PCGF2: variants seen among roughly 807,000 people sequenced by gnomAD.
PCGF2 encodes polycomb group ring finger 2, also known as polycomb group RING finger protein 2.
A neutral mutation model predicts 36.1 loss-of-function variants in PCGF2; 8 were observed. The ratio of observed to expected loss-of-function variants is 0.22; its 90% CI spans 0.13 to 0.40. The LOEUF (loss-of-function observed/expected upper bound fraction) is 0.40. PCGF2 is among the 10% of genes least tolerant of loss of function. The probability of loss-of-function intolerance (pLI) is 1.00; values close to 1 mark genes in which losing one functional copy is unlikely to be tolerated. For synonymous variants in PCGF2, 198 were observed against 191.2 expected, an observed-to-expected ratio of 1.04 and a Z score of -0.29; for missense variants, 436 against 475.9, an observed-to-expected ratio of 0.92 and a Z score of 0.78.
chr17:38,749,021 G>C (rs1034241018), upstream of PCGF2, among the ~76,000 whole-genome samples: 1 of 152,088 alleles, frequency 6.6e-6, no homozygotes, highest in African/African-American at 2.4e-5. The surrounding 1 kb of genome is among the most constrained non-coding windows in gnomAD (Gnocchi z 6.5). Context: ...GAGGCCGGGT[G>C]GGGGGCCTCG....
rs1254222769 is a variant in PCGF2, at chr17:38,735,737, G to T, written c.658-137C>A. 4 of 1,205,474 alleles carry T rather than the reference G, an allele frequency of 3.3e-6. No homozygotes were observed. In the East Asian group the frequency reaches 7.7e-5, roughly 23 times the overall value. 74.7% of individuals were successfully genotyped at this position (1,205,474 alleles called of 1,614,324 possible). ...ATGGGATGGGGCCTTGGAGAGGAGA[G>T]AGACAAGGATACAGGGTGCATGAAG... On this transcript the variant is annotated intron_variant, in intron 10 of 10. Transcript: ENST00000620225.
chr17:38,741,932 C>G (rs898841065), intron 2 of PCGF2, among the ~76,000 whole-genome samples: 4 of 152,240 alleles, frequency 2.6e-5, no homozygotes, highest in Non-Finnish European at 5.9e-5. Context: ...GAATCCCCCC[C>G]ACATGGTCAC....
chr17:38,739,331 G>A lies in PCGF2; in HGVS notation c.210-78C>T. The A allele has an allele frequency of 3.0e-6, 4 of 1,337,152 alleles. No individual in the cohort carries two copies. In the South Asian group the frequency reaches 4.7e-5, roughly 16 times the overall value. 82.8% of individuals were successfully genotyped at this position (1,337,152 alleles called of 1,614,324 possible). On this transcript the variant is annotated intron_variant, in intron 4 of 10. Coordinates refer to ENST00000620225, the MANE Select transcript of PCGF2 (RefSeq NM_007144.3). The surrounding 1 kb of genome is among the most constrained non-coding windows in gnomAD (Gnocchi z 4.0). ...ACCTCGCCCTGCTCTCCCAGCCAGG[G>A]TACCCCTCTTCCCACCCCCTTCCTG... is the stretch of plus-strand genomic sequence containing the variant.
rs760100374 is a variant in PCGF2, at chr17:38,739,690, G to A, written c.113-8C>T. 3 of 1,610,178 alleles carry A rather than the reference G, an allele frequency of 1.9e-6. No individual in the cohort carries two copies. Among genetic ancestry groups the A allele is most frequent in the East Asian group, 2.2e-5 (1 of 44,866 alleles). ...CGATGCAGGTTTTGCAGACTTGGGGGTGTGGAGAGAGAGAGGAGAGTCAGA... is the reference window on the plus strand; with the variant it reads ...CGATGCAGGTTTTGCAGACTTGGGGATGTGGAGAGAGAGAGGAGAGTCAGA... On this transcript the variant is annotated splice_polypyrimidine_tract_variant and splice_region_variant and intron_variant, in intron 3 of 10. Coordinates refer to ENST00000620225, the MANE Select transcript of PCGF2 (RefSeq NM_007144.3). The surrounding 1 kb of genome is among the most constrained non-coding windows in gnomAD (Gnocchi z 4.0).
chr17:38,749,397 A>G, upstream of PCGF2: 1 of 294,928 alleles, frequency 3.4e-6, no homozygotes, highest in South Asian at 2.7e-5. The surrounding 1 kb of genome is among the most constrained non-coding windows in gnomAD (Gnocchi z 6.5). Flanking sequence ...TGGCTCCGGC[A>G]GGAGGGAGAG....
chr17:38,738,835 C>G lies in PCGF2; in HGVS notation c.343G>C (p.Gly115Arg). Reference protein sequence around the residue: ...EVPNGSNEDRGEVLEQEKGAL... With the variant: ...EVPNGSNEDRREVLEQEKGAL... ...CCCTTCTCCTGCTCCAAGACCTCGCCGCGGTCCTCATTGGAGCCGTTGGGG... is the reference window on the plus strand; with the variant it reads ...CCCTTCTCCTGCTCCAAGACCTCGCGGCGGTCCTCATTGGAGCCGTTGGGG... The change falls in exon 7 of 11, where the codon GGC becomes CGC. Residue 115 changes from glycine to arginine, a missense_variant. This residue lies in a region of PCGF2 where 189 missense variants were observed against 219.3 expected (regional missense o/e 0.86). Transcript: ENST00000620225. 2.5e-6 allele frequency: 4 copies of G among 1,614,000 alleles called. No homozygotes were observed. Among genetic ancestry groups the G allele is most frequent in the Non-Finnish European group, 3.4e-6 (4 of 1,179,920 alleles).
intron 6 of PCGF2, 94 bp from the exon 7 acceptor site, chr17:38,738,955 C>T (rs1598016017): frequency 6.6e-7 from 1 of 1,523,754 alleles, no homozygotes; most frequent in East Asian, 2.3e-5. Flanking sequence ...GTGAGCCCAG[C>T]CACCTTCTGG....
At position 38,739,105 on chromosome 17, in the gene PCGF2, C is replaced by T. The variant is rs1216273504; in HGVS notation, c.279G>A (p.Arg93=). The change falls in exon 6 of 11, where the codon CGG becomes CGA. Residue 93 remains arginine, a synonymous_variant. Coordinates refer to ENST00000620225, the MANE Select transcript of PCGF2 (RefSeq NM_007144.3). The surrounding 1 kb of genome is among the most constrained non-coding windows in gnomAD (Gnocchi z 4.0). ...VPGLFKDEMK[R]RRDFYAAYPL... is the part of the protein sequence containing the mutation. ...GGTACGCTGCATAGAAATCCCGCCG[C>T]CGTTTCATCTCATCTGGAAGAAGGC... is the stretch of plus-strand genomic sequence containing the variant. 3.7e-6 allele frequency: 6 copies of T among 1,613,858 alleles called. No homozygotes were observed. Among genetic ancestry groups the T allele is most frequent in the Non-Finnish European group, 5.1e-6 (6 of 1,180,022 alleles).
chr17:38,736,697 G>A (rs973440306), intron 9 of PCGF2, among the ~76,000 whole-genome samples: 3 of 152,146 alleles, frequency 2.0e-5, no homozygotes, highest in South Asian at 2.1e-4. Context: ...AGCTGGGCGT[G>A]GTGGCGGGTG....
chr17:38,735,674 C>T, intron 10 of PCGF2, 74 bp from the exon 11 acceptor site: 1 of 1,456,002 alleles, frequency 6.9e-7, no homozygotes, highest in Non-Finnish European at 9.1e-7. Flanking sequence ...TAAAGGGCCA[C>T]CATCTCCACC....
At chr17:38,748,901 C>A (rs1483094890), upstream of PCGF2, among the ~76,000 whole-genome samples, 2 of 152,274 alleles carry the variant, frequency 1.3e-5, no homozygotes, top group South Asian at 4.1e-4. Flanking sequence ...CCTCCCCACT[C>A]CCCTTGCCCC....
intron 2 of PCGF2, among the ~76,000 whole-genome samples, chr17:38,742,134 G>T (rs1907239515): frequency 6.6e-6 from 1 of 152,160 alleles, no homozygotes; most frequent in African/African-American, 2.4e-5. Context: ...GCTCTGGATT[G>T]GCCACCGTGC....
intron 2 of PCGF2, among the ~76,000 whole-genome samples, chr17:38,741,309 C>T (rs1376550074): frequency 5.3e-5 from 8 of 152,054 alleles, no homozygotes; most frequent in African/African-American, 1.2e-4. Context: ...AATCCCAATC[C>T]GTATTCACTC....
intron 2 of PCGF2, among the ~76,000 whole-genome samples, chr17:38,743,807 A>G (rs187330928): frequency 6.6e-6 from 1 of 152,264 alleles, no homozygotes; most frequent in East Asian, 1.9e-4. Context: ...CAGGCCGCGA[A>G]TTCCTGATAC....
At chr17:38,745,094 AG>A (rs1907453289) in intron 2 of PCGF2, among the ~76,000 whole-genome samples, 1 of 152,190 alleles carries the variant, frequency 6.6e-6, no homozygotes, top group Non-Finnish European at 1.5e-5. Flanking sequence ...GCACTTCGGG[AG>A]GCCAAGACGG....
chr17:38,740,785 G>A (rs1167769683), intron 2 of PCGF2, among the ~76,000 whole-genome samples: 1 of 151,720 alleles, frequency 6.6e-6, no homozygotes, highest in African/African-American at 2.4e-5. Context: ...AAGAAACCCA[G>A]AGCCTCGGCA....
intron 9 of PCGF2, 95 bp downstream of exon 9, chr17:38,738,258 G>T: frequency 9.5e-7 from 1 of 1,047,276 alleles, no homozygotes; most frequent in Non-Finnish European, 1.5e-6. Flanking sequence ...AGCCCTGGGT[G>T]ACACCTAGCC....
Position 38,736,885 on chromosome 17 carries a change from G to A in PCGF2, c.577-715C>T, listed in dbSNP as rs114190888. Among the ~76,000 whole-genome samples the A allele has an allele frequency of 6.4e-3, 966 of 152,016 alleles. 9 individuals are homozygous for A. The highest frequency in any genetic ancestry group is 0.022 in the African/African-American group (920 of 41,412). ...AAACACCAATGCCTAGGCCAAGTGC[G>A]GTGGCTCAAGCCTATAATCCCAGAG... is the stretch of plus-strand genomic sequence containing the variant. On this transcript the variant is annotated intron_variant, in intron 9 of 10. Transcript: ENST00000620225.
At position 38,740,436 on chromosome 17, in the gene PCGF2, C is replaced by T. The variant is rs376556591; in HGVS notation, c.-34G>A. On this transcript the variant is annotated 5_prime_UTR_variant, in exon 3 of 11. Coordinates refer to ENST00000620225, the MANE Select transcript of PCGF2 (RefSeq NM_007144.3). The stretch of plus-strand genomic sequence containing the variant: ...GGTCGGGGGTGGGGGGACTGGGGAG[C>T]GTTGCCCTGGGAAACGGAAGTGGAA... The T allele has an allele frequency of 5.2e-5, 79 of 1,529,716 alleles. No individual in the cohort carries two copies. The East Asian group carries it at 6.8e-4, about 13-fold the overall frequency. The allele number at this position is 1,529,716 out of a possible 1,614,324, so 94.8% of individuals were successfully genotyped here.
Sources: gnomAD v4.1 joint callset for allele counts (sites outside exome capture counted in the v4.1 genomes callset) on GRCh38, gnomAD v4.1.1 for gene constraint, gnomAD v4.1.1 regional missense constraint, Gnocchi (gnomAD v3.1) non-coding constraint, MANE v1.5 for transcripts, NCBI Gene and HGNC (gene_info 2026-07-23, HGNC 2026-07-21) for gene names.